SAMD3: variants seen among roughly 807,000 people sequenced by gnomAD.
SAMD3 encodes the protein sterile alpha motif domain-containing protein 3.
Under a neutral mutation model 58.5 loss-of-function variants are expected in SAMD3, and 63 were observed. That is an observed-to-expected ratio of 1.08 (90% confidence interval 0.88 to 1.33). The LOEUF is 1.33. SAMD3 is among the 40% of genes most tolerant of loss of function. SAMD3 has a pLI of 0.00. For missense variants in SAMD3, 604 were observed against 608.4 expected (o/e 0.99, Z 0.08); for synonymous variants, 220 against 210.3 (o/e 1.05, Z -0.40).
In SAMD3 at chr6:130,184,593, G is replaced by C. The variant is rs761146547; in HGVS notation, c.414C>G (p.Ser138Arg). The C allele has an allele frequency of 1.2e-5, 19 of 1,608,010 alleles. No individual in the cohort carries two copies. Among genetic ancestry groups the C allele is most frequent in the Admixed American group, 3.4e-5 (2 of 58,782 alleles). ...AGGACTTCGTCCACTGTAATGCTTTGCTTCTTGCTAGAATTTGTTTCACAT... is the reference window on the plus strand; with the variant it reads ...AGGACTTCGTCCACTGTAATGCTTTCCTTCTTGCTAGAATTTGTTTCACAT... ...RRNVKQILAR[S>R]KALQWTKSYV... The change falls in exon 6 of 12, where the codon AGC (serine) becomes AGG (arginine). Residue 138 changes from serine (S) to arginine (R), a missense_variant. Coordinates refer to ENST00000439090, the MANE Select transcript of SAMD3 (RefSeq NM_001017373.4).
intron 1 of SAMD3, among the ~76,000 whole-genome samples, chr6:130,325,481 A>G (rs1776726510): frequency 6.6e-6 from 1 of 152,128 alleles, no homozygotes; most frequent in African/African-American, 2.4e-5. Flanking sequence ...GATGATGCCC[A>G]CCCACACTCG....
chr6:130,194,862 G>A (rs575272133), intron 5 of SAMD3, among the ~76,000 whole-genome samples: 7 of 152,272 alleles, frequency 4.6e-5, no homozygotes, highest in Non-Finnish European at 1.5e-5. Flanking sequence ...CATCACAGAT[G>A]CTCTAGGTAA....
At chr6:130,173,852 C>A (rs1791468660) in intron 8 of SAMD3, among the ~76,000 whole-genome samples, 2 of 152,212 alleles carry the variant, frequency 1.3e-5, no homozygotes, top group Admixed American at 6.5e-5. Flanking sequence ...GTCTGTAAGC[C>A]CCTGAGTGGG....
intron 2 of SAMD3, among the ~76,000 whole-genome samples, chr6:130,290,097 CTT>C (rs1156847353): frequency 1.3e-5 from 2 of 152,086 alleles, no homozygotes; most frequent in Non-Finnish European, 2.9e-5. Context: ...ATAATAGAAA[CTT>C]CAGATATACA....
At chr6:130,291,080 C>T (rs1775345451) in intron 2 of SAMD3, among the ~76,000 whole-genome samples, 1 of 143,870 alleles carries the variant, frequency 7.0e-6, no homozygotes, top group South Asian at 2.4e-4. Context: ...ATGGTGATGA[C>T]AACTGACTTT....
At chr6:130,304,926 CTTTTTTT>C (rs777084920) in intron 2 of SAMD3, among the ~76,000 whole-genome samples, 6 of 103,378 alleles carry the variant, frequency 5.8e-5, no homozygotes, top group Non-Finnish European at 1.1e-4. Flanking sequence ...CATTTTCTTC[CTTTTTTT>C]TTTTTTTTTT....
intron 1 of SAMD3, among the ~76,000 whole-genome samples, chr6:130,356,506 C>G (rs932353322): frequency 1.3e-5 from 2 of 152,222 alleles, no homozygotes; most frequent in Non-Finnish European, 2.9e-5. Context: ...TAGCATGTAT[C>G]ATTTCCAAAC....
At chr6:130,339,192 G>A (rs1222897168) in intron 1 of SAMD3, among the ~76,000 whole-genome samples, 1 of 152,060 alleles carries the variant, frequency 6.6e-6, no homozygotes. Context: ...GACTACAGGT[G>A]CCTGCCACCA....
intron 1 of SAMD3, among the ~76,000 whole-genome samples, chr6:130,339,613 G>A (rs1461137201): frequency 6.6e-6 from 1 of 152,190 alleles, no homozygotes; most frequent in African/African-American, 2.4e-5. Context: ...AGAACTGTGA[G>A]TCAATTAAAC....
chr6:130,301,890 T>C (rs76605144), intron 2 of SAMD3, among the ~76,000 whole-genome samples: 2,907 of 152,176 alleles, frequency 0.019, 55 homozygotes, highest in Non-Finnish European at 0.031. Context: ...AAACTGAGTA[T>C]CCATACACAG....
chr6:130,189,929 C>G (rs1582856534), intron 5 of SAMD3, among the ~76,000 whole-genome samples: 1 of 152,288 alleles, frequency 6.6e-6, no homozygotes, highest in East Asian at 1.9e-4. Context: ...GAAGGCAGGC[C>G]TCATGCTGTG....
At chr6:130,214,306 A>C in intron 4 of SAMD3, 31 bp downstream of exon 4, 1 of 1,501,214 alleles carries the variant, frequency 6.7e-7, no homozygotes, top group Non-Finnish European at 8.9e-7. Context: ...GCTTGGGAAA[A>C]AAAAATAAGG....
chr6:130,198,932 A>G (rs117187455), intron 5 of SAMD3, among the ~76,000 whole-genome samples: 8 of 152,336 alleles, frequency 5.3e-5, no homozygotes, highest in Admixed American at 2.0e-4. Flanking sequence ...GTCATAGCTC[A>G]TAAATCATCC....
chr6:130,228,474 C>T (rs1172090892), intron 2 of SAMD3, among the ~76,000 whole-genome samples: 1 of 152,136 alleles, frequency 6.6e-6, no homozygotes, highest in African/African-American at 2.4e-5. Flanking sequence ...TTACCTCTGG[C>T]TGCAAGTTAA....
chr6:130,332,779 TA>T (rs1776973646), intron 1 of SAMD3, among the ~76,000 whole-genome samples: 1 of 152,160 alleles, frequency 6.6e-6, no homozygotes, highest in African/African-American at 2.4e-5. Context: ...GAGGGAACCC[TA>T]GGTCCCGAGA....
At chr6:130,245,565 C>T (rs946880540) in intron 2 of SAMD3, among the ~76,000 whole-genome samples, 1 of 152,202 alleles carries the variant, frequency 6.6e-6, no homozygotes, top group Non-Finnish European at 1.5e-5. Flanking sequence ...TGCACTGTGT[C>T]TTTTGAAATC....
chr6:130,255,934 T>C (rs1178574342), intron 2 of SAMD3, among the ~76,000 whole-genome samples: 3 of 152,048 alleles, frequency 2.0e-5, no homozygotes, highest in Non-Finnish European at 4.4e-5. Context: ...AAGTAATTAT[T>C]GATAAGCAAA....
chr6:130,145,122 G>A (rs1445434185), intron 11 of SAMD3, among the ~76,000 whole-genome samples: 2 of 152,138 alleles, frequency 1.3e-5, no homozygotes, highest in African/African-American at 4.8e-5. Context: ...AGCTGGGCGT[G>A]GTGGTGCATG....
chr6:130,181,549 A>G (rs1582821091), intron 7 of SAMD3, among the ~76,000 whole-genome samples: 1 of 152,204 alleles, frequency 6.6e-6, no homozygotes, highest in African/African-American at 2.4e-5. Context: ...GTCACTGGGA[A>G]CAGATGTGGA....
Sources: gnomAD v4.1 joint callset for allele counts (sites outside exome capture counted in the v4.1 genomes callset) on GRCh38, gnomAD v4.1.1 for gene constraint, MANE v1.5 for transcripts, NCBI Gene and HGNC (gene_info 2026-07-23, HGNC 2026-07-21) for gene names.